The following QPCT variants were observed in gnomAD, a reference collection of about 807,000 sequenced individuals.
QPCT encodes glutaminyl-peptide cyclotransferase.
A neutral mutation model predicts 43.4 loss-of-function variants in QPCT; 44 were observed. The observed-to-expected ratio is 1.01, with a 90% CI of 0.80 to 1.30. The LOEUF (loss-of-function observed/expected upper bound fraction) is 1.30, where lower values mean the gene tolerates loss of function less well. Ranked by LOEUF, QPCT falls within the 50% of genes most tolerant of loss-of-function variation. The pLI, the probability that QPCT is intolerant of heterozygous loss-of-function variation, is 0.00. For synonymous variants in QPCT, 168 were observed against 168.4 expected (o/e 1.00, Z 0.02); for missense variants, 526 against 436.5 (o/e 1.21, Z -1.83).
chr2:37,359,635 CCTT>C lies in QPCT; in HGVS notation c.327_329del (p.Phe109del), dbSNP rs1558603948. 2 of 1,614,008 alleles carry C rather than the reference CCTT, an allele frequency of 1.2e-6. No homozygotes were observed. The highest frequency in any genetic ancestry group is 1.3e-5 in the African/African-American group (1 of 74,904). ...GCTGACTGGGTCTTGGAAATAGACACCTTCTTGAGTCAGACACCCTATGGGTAC... is the reference window on the plus strand; with the variant it reads ...GCTGACTGGGTCTTGGAAATAGACACCTTGAGTCAGACACCCTATGGGTAC... On this transcript the variant is annotated inframe_deletion, in exon 3 of 7. Transcript: ENST00000338415.
chr2:37,361,823 G>A (rs1040868531), intron 3 of QPCT, among the ~76,000 whole-genome samples: 1 of 152,158 alleles, frequency 6.6e-6, no homozygotes. Context: ...GCCTTGAATG[G>A]GGAAGGACTG....
In QPCT at chr2:37,352,955, A is replaced by G. The variant is rs1419579929; in HGVS notation, c.267+20A>G. 3 of 1,603,332 alleles carry G rather than the reference A, an allele frequency of 1.9e-6. No homozygotes were observed. Among genetic ancestry groups the G allele is most frequent in the Non-Finnish European group, 2.6e-6 (3 of 1,171,832 alleles). ...CGTCAGGTGAGAACATGGGACACAA[A>G]CCTCAAGCTTGTGTGAATACTGTGC... On this transcript the variant is annotated intron_variant, in intron 2 of 6. Transcript: ENST00000338415.
rs1672978507 is a variant in QPCT, at chr2:37,367,063, G to A, written c.547-169G>A. ...GGGTGAAGACTGTGGGAGGTGTGATGACTTTTGAAGAGGAAGTGGTGTGGA... is the reference window on the plus strand; with the variant it reads ...GGGTGAAGACTGTGGGAGGTGTGATAACTTTTGAAGAGGAAGTGGTGTGGA... On this transcript the variant is annotated intron_variant, in intron 3 of 6. Coordinates refer to ENST00000338415, the MANE Select transcript of QPCT (RefSeq NM_012413.4). 2.0e-5 allele frequency: 13 copies of A among 648,532 alleles called. No individual in the cohort carries two copies. In the South Asian group the frequency reaches 2.4e-4, roughly 12 times the overall value. 40.2% of individuals were successfully genotyped at this position (648,532 alleles called of 1,614,324 possible).
chr2:37,369,770 G>A lies in QPCT; in HGVS notation c.809G>A (p.Arg270Lys), dbSNP rs774841722. 81 of 1,584,398 alleles carry A rather than the reference G, an allele frequency of 5.1e-5. No individual in the cohort carries two copies. In the South Asian group the frequency reaches 8.3e-4, roughly 16 times the overall value. ...CCAAACTCAGCCAGGTGGTTCGAAA[G>A]ACTTCAAGCAATTGGTAAGCACCAC... Reference protein sequence around the residue: ...FFPNSARWFERLQAIEHELHE... With the variant: ...FFPNSARWFEKLQAIEHELHE... The change falls in exon 5 of 7, where the codon AGA becomes AAA. Residue 270 changes from arginine (R) to lysine (K), a missense_variant. Coordinates refer to ENST00000338415, the MANE Select transcript of QPCT (RefSeq NM_012413.4).
At chr2:37,359,467 A>T in intron 2 of QPCT, 113 bp from the exon 3 acceptor site, 1 of 912,864 alleles carries the variant, frequency 1.1e-6, no homozygotes, top group Non-Finnish European at 1.6e-6. Flanking sequence ...GAATTCATTA[A>T]GTGTGTATTC....
chr2:37,358,286 A>G (rs1672789651), intron 2 of QPCT, among the ~76,000 whole-genome samples: 1 of 152,172 alleles, frequency 6.6e-6, no homozygotes, highest in South Asian at 2.1e-4. Context: ...AACCCACAAA[A>G]GTTAGTCAGG....
chr2:37,359,789 T>C lies in QPCT; in HGVS notation c.477T>C (p.Asp159=). ...ACAGAGTGTTTGTAGGAGCCACTGATTCAGCCGTGCCATGTGCAATGATGT... is the reference window on the plus strand; with the variant it reads ...ACAGAGTGTTTGTAGGAGCCACTGACTCAGCCGTGCCATGTGCAATGATGT... The part of the protein sequence containing the change: ...WNNRVFVGAT[D]SAVPCAMMLE... The change falls in exon 3 of 7, where the codon GAT becomes GAC. Residue 159 remains aspartate, a synonymous_variant. Coordinates refer to ENST00000338415, the MANE Select transcript of QPCT (RefSeq NM_012413.4). The C allele has an allele frequency of 5.0e-6, 8 of 1,614,204 alleles. No individual in the cohort carries two copies. Among genetic ancestry groups the C allele is most frequent in the Non-Finnish European group, 6.8e-6 (8 of 1,180,016 alleles).
At position 37,348,091 on chromosome 2, in the gene QPCT, ATTG is replaced by A. The variant is rs944731890; in HGVS notation, c.120+3250_120+3252del. ...GTGTGTGTGTGTGTGTGTGTGTGTTATTGTTGTTGTTGCATTCTAATGGAAGCA... is the reference window on the plus strand; with the variant it reads ...GTGTGTGTGTGTGTGTGTGTGTGTTATTGTTGTTGCATTCTAATGGAAGCA... On this transcript the variant is annotated intron_variant, in intron 1 of 6. Transcript: ENST00000338415. Among the ~76,000 whole-genome samples the A allele has an allele frequency of 1.4e-3, 201 of 145,930 alleles. 2 individuals are homozygous for A. The highest frequency in any genetic ancestry group is 4.9e-3 in the African/African-American group (192 of 38,896).
rs1318081375 is a variant in QPCT at position 37,347,180 on chromosome 2, AC to A, written c.120+2330del. 9.5e-3 allele frequency among the ~76,000 whole-genome samples: 342 copies of A among 35,844 alleles called. 26 individuals carry two copies. Among genetic ancestry groups the A allele is most frequent in the Non-Finnish European group, 0.013 (289 of 22,340 alleles). 23.5% of individuals were successfully genotyped at this position (35,844 alleles called of 152,430 possible). The stretch of plus-strand genomic sequence containing the variant: ...TATATATATAACATATATATATATA[AC>A]ATATATATATAACATATATATATAA... On this transcript the variant is annotated intron_variant, in intron 1 of 6. Coordinates refer to ENST00000338415, the MANE Select transcript of QPCT (RefSeq NM_012413.4).
At chr2:37,364,796 T>C (rs1370170884) in intron 3 of QPCT, among the ~76,000 whole-genome samples, 1 of 152,106 alleles carries the variant, frequency 6.6e-6, no homozygotes, top group Non-Finnish European at 1.5e-5. Context: ...TATGTGGAGA[T>C]CTTCATTTGG....
chr2:37,357,612 G>C (rs1413215870), intron 2 of QPCT, among the ~76,000 whole-genome samples: 2 of 152,158 alleles, frequency 1.3e-5, no homozygotes, highest in African/African-American at 4.8e-5. Context: ...ATTTGCAATA[G>C]AAAAGTTAAG....
At position 37,369,291 on chromosome 2, in the gene QPCT, A is replaced by G. The variant is rs372416517; in HGVS notation, c.724-394A>G. 2.0e-4 allele frequency among the ~76,000 whole-genome samples: 31 copies of G among 152,358 alleles called. No individual in the cohort carries two copies. In the East Asian group the frequency reaches 2.1e-3, roughly 10 times the overall value. Reference sequence around the variant, plus strand: ...CCAAGTGCCTTCCTTTGAGAGTTTTATCATTACAGATTAAGGATAAAATGG... The same window carrying G: ...CCAAGTGCCTTCCTTTGAGAGTTTTGTCATTACAGATTAAGGATAAAATGG... On this transcript the variant is annotated intron_variant, in intron 4 of 6. Coordinates refer to ENST00000338415, the MANE Select transcript of QPCT (RefSeq NM_012413.4).
At chr2:37,347,394 C>T (rs1333914063) in intron 1 of QPCT, among the ~76,000 whole-genome samples, 3 of 150,770 alleles carry the variant, frequency 2.0e-5, no homozygotes, top group Non-Finnish European at 4.4e-5. Flanking sequence ...GCCCTGATCT[C>T]TCCTTTCTTC....
At chr2:37,353,033 G>T in intron 2 of QPCT, 98 bp downstream of exon 2, 1 of 1,372,534 alleles carries the variant, frequency 7.3e-7, no homozygotes, top group Non-Finnish European at 9.7e-7. Flanking sequence ...CTAATATTCA[G>T]ATCTGTCATC....
In QPCT at chr2:37,372,832, C is replaced by CATT; in HGVS notation, c.*5_*6insATT. On this transcript the variant is annotated 3_prime_UTR_variant, in exon 7 of 7. Transcript: ENST00000338415. The stretch of plus-strand genomic sequence containing the variant: ...TTGGAATATCTTCATTTGTAATACT[C>CATT]TGATTTAGTTTAGGATAATTGGTTC... The CATT allele has an allele frequency of 6.3e-7, 1 of 1,599,502 alleles. No individual in the cohort carries two copies. The highest frequency in any genetic ancestry group is 8.5e-7 in the Non-Finnish European group (1 of 1,171,896).
At position 37,367,414 on chromosome 2, in the gene QPCT, T is replaced by C. The variant is rs1672984749; in HGVS notation, c.723+6T>C. 1 of 1,612,350 alleles carries C rather than the reference T, an allele frequency of 6.2e-7. No homozygotes were observed. The highest frequency in any genetic ancestry group is 8.5e-7 in the Non-Finnish European group (1 of 1,179,432). On this transcript the variant is annotated splice_donor_region_variant and intron_variant, in intron 4 of 6. Coordinates refer to ENST00000338415, the MANE Select transcript of QPCT (RefSeq NM_012413.4). ...CCAGCCAACTGCATGGCATGGTTAG[T>C]CTGGGCAATTTCCCTAGCACTGTAG... is the stretch of plus-strand genomic sequence containing the variant.
At chr2:37,362,082 G>C (rs151028088) in intron 3 of QPCT, among the ~76,000 whole-genome samples, 26 of 152,342 alleles carry the variant, frequency 1.7e-4, no homozygotes, top group African/African-American at 6.3e-4. Context: ...TAGGCGAACA[G>C]AATGAAAGCA....
chr2:37,352,106 G>A (rs1444156997), intron 1 of QPCT, among the ~76,000 whole-genome samples: 8 of 151,236 alleles, frequency 5.3e-5, no homozygotes, highest in African/African-American at 9.7e-5. Flanking sequence ...AAGTGAAAAA[G>A]GGGTAAAATT....
At chr2:37,366,613 C>G (rs1217591261) in intron 3 of QPCT, among the ~76,000 whole-genome samples, 1 of 152,168 alleles carries the variant, frequency 6.6e-6, no homozygotes, top group Non-Finnish European at 1.5e-5. Flanking sequence ...CAAGAAGCGC[C>G]CTCTGACATG....
Sources: allele counts gnomAD v4.1 joint callset (sites outside exome capture counted in the v4.1 genomes callset), GRCh38; gene constraint gnomAD v4.1.1; transcripts MANE v1.5; gene names NCBI Gene and HGNC (gene_info 2026-07-23, HGNC 2026-07-21).